PATL1: variants seen among roughly 807,000 people sequenced by gnomAD.
PATL1 encodes the protein PAT1 homolog 1, processing body mRNA decay factor.
PATL1 carries 32 observed loss-of-function variants against 100.6 expected under a neutral mutation model. That is an observed-to-expected ratio of 0.32 (90% CI 0.24 to 0.43). The LOEUF is 0.43. Ranked by LOEUF, PATL1 falls within the 20% of genes least tolerant of loss-of-function variation. PATL1 has a pLI of 1.00. For synonymous variants in PATL1, 332 were observed against 330.0 expected (o/e 1.01, Z -0.07); for missense variants, 747 against 949.9 (o/e 0.79, Z 2.81).
intron 4 of PATL1, among the ~76,000 whole-genome samples, chr11:59,657,928 G>T (rs887063692): frequency 2.6e-5 from 4 of 152,050 alleles, no homozygotes; most frequent in African/African-American, 9.7e-5. Flanking sequence ...CCTTGGGAGG[G>T]TGAGGTGGGA....
rs201878962 is a variant in PATL1, at chr11:59,651,617, T to C, written c.1451A>G (p.Lys484Arg). ...ATTATTCACACTAGAAACGGTAAGC[T>C]TTCCCAAAGAGCCCTCAAATTGCAC... ...KPVQFEGSLG[K>R]LTVSSVNNPR... The change falls in exon 12 of 19, where the codon AAG (lysine) becomes AGG (arginine). Residue 484 changes from lysine to arginine, a missense_variant. Around this residue, in one of 4 missense-constraint regions of PATL1, gnomAD observed 434 missense variants for 596.1 expected, o/e 0.73. Transcript: ENST00000300146. 71 of 1,611,840 alleles carry C rather than the reference T, an allele frequency of 4.4e-5. No homozygotes were observed. The highest frequency in any genetic ancestry group is 3.3e-5 in the Admixed American group (2 of 59,792).
chr11:59,639,886 T>C (rs1027562870), intron 16 of PATL1: 2 of 152,906 alleles, frequency 1.3e-5, no homozygotes, highest in African/African-American at 4.8e-5. Flanking sequence ...ATAAACATGG[T>C]ATAAAGAGAA....
At position 59,639,124 on chromosome 11, in the gene PATL1, T is replaced by G; in HGVS notation, c.2215A>C (p.Ile739Leu). 1 of 1,614,026 alleles carries G rather than the reference T, an allele frequency of 6.2e-7. No individual in the cohort carries two copies. Among genetic ancestry groups the G allele is most frequent in the Non-Finnish European group, 8.5e-7 (1 of 1,179,890 alleles). ...PQAALAKPISIPTNLVSLFSR... is the reference protein window; with the variant it reads ...PQAALAKPISLPTNLVSLFSR... ...AAGAGGGACACTAGGTTTGTAGGTA[T>G]AGAGATTGGCTTGGCCAGGGCTGCT... The change falls in exon 18 of 19, where the codon ATA becomes CTA. Residue 739 changes from isoleucine to leucine, a missense_variant. This residue lies in a region of PATL1 where 434 missense variants were observed against 596.1 expected (regional missense o/e 0.73). Transcript: ENST00000300146.
chr11:59,660,651 G>A (rs532682025), intron 2 of PATL1, among the ~76,000 whole-genome samples: 67 of 152,238 alleles, frequency 4.4e-4, no homozygotes, highest in African/African-American at 1.6e-3. Flanking sequence ...TGAGCAGGGT[G>A]GGGAGAGTAG....
chr11:59,657,106 TG>T, intron 5 of PATL1: 3 of 985,306 alleles, frequency 3.0e-6, no homozygotes, highest in Non-Finnish European at 3.6e-6. Flanking sequence ...CCTTTTCAGC[TG>T]CTGGTTTCAG....
Position 59,659,314 on chromosome 11 carries a change from T to C in PATL1, c.283A>G (p.Ile95Val), listed in dbSNP as rs1861594655. The C allele has an allele frequency of 6.4e-7, 1 of 1,551,362 alleles. No individual in the cohort carries two copies. Among genetic ancestry groups the C allele is most frequent in the Admixed American group, 2.0e-5 (1 of 50,982 alleles). Residue 95 changes from isoleucine to valine, a missense_variant, in exon 3 of 19, where the codon ATT becomes GTT. Transcript: ENST00000300146. ...GCTGGATCTTCTAGTTCATTTTCAA[T>C]CACCATCTTACTGAGCCTTTCTGCC... is the stretch of plus-strand genomic sequence containing the variant. ...NLAERLSKMV[I>V]ENELEDPAIM...
At chr11:59,667,103 T>A in intron 1 of PATL1, 139 bp from the exon 2 acceptor site, 1 of 1,416,080 alleles carries the variant, frequency 7.1e-7, no homozygotes, top group Non-Finnish European at 9.2e-7. Flanking sequence ...ATTTTTTTTC[T>A]ACTTCCCAAT....
intron 11 of PATL1, among the ~76,000 whole-genome samples, chr11:59,652,064 CAAAAAAAAAAAAAA>C (rs748019832): frequency 3.8e-5 from 2 of 52,996 alleles, no homozygotes; most frequent in African/African-American, 7.1e-5. Context: ...GGCTCTTTCT[CAAAAAAAAAAAAAA>C]AAAAAAAAAA....
chr11:59,646,851 C>A (rs967742674), intron 15 of PATL1, among the ~76,000 whole-genome samples: 2 of 152,124 alleles, frequency 1.3e-5, no homozygotes, highest in Non-Finnish European at 2.9e-5. Flanking sequence ...AAAACTCTAA[C>A]CAAGAATTAA....
chr11:59,639,314 C>T lies in PATL1; in HGVS notation c.2119G>A (p.Glu707Lys). The change falls in exon 17 of 19, where the codon GAA becomes AAA. Residue 707 changes from glutamate to lysine, a missense_variant. Coordinates refer to ENST00000300146, the MANE Select transcript of PATL1 (RefSeq NM_152716.3). ...GACCACTGATTATTTTGTGTTGATT[C>T]TGTAGCAGGGTCTGAACTCTGTAGG... ...EDLQSSDPAT[E>K]STQNNQWTEV... is the part of the protein sequence containing the mutation. 1 of 1,552,002 alleles carries T rather than the reference C, an allele frequency of 6.4e-7. No homozygotes were observed.
In PATL1 at chr11:59,638,245, C is replaced by A; in HGVS notation, c.*145G>T. 4 of 778,064 alleles carry A rather than the reference C, an allele frequency of 5.1e-6. No individual in the cohort carries two copies. Among genetic ancestry groups the A allele is most frequent in the Non-Finnish European group, 8.6e-6 (4 of 467,524 alleles). The allele number at this position is 778,064 out of a possible 1,614,324, so 48.2% of individuals were successfully genotyped here. A position where few individuals can be genotyped will look rare whatever the true frequency, so the allele number is the denominator to read the frequency against. On this transcript the variant is annotated 3_prime_UTR_variant, in exon 19 of 19. Coordinates refer to ENST00000300146, the MANE Select transcript of PATL1 (RefSeq NM_152716.3). ...GGGAAATATCTGACATTTAGAGAGA[C>A]AACCCCTGTAAACAGGAATCGATCC...
rs1018520624 is a variant in PATL1, at chr11:59,657,031, T to C, written c.622-431A>G. 2.0e-5 allele frequency: 19 copies of C among 942,902 alleles called. 1 individual carries two copies. The South Asian group carries it at 4.9e-4, about 24-fold the overall frequency. 58.4% of individuals were successfully genotyped at this position (942,902 alleles called of 1,614,324 possible). A position where few individuals can be genotyped will look rare whatever the true frequency, so the allele number is the denominator to read the frequency against. Reference sequence around the variant, plus strand: ...GATACATTGTGACTCCACCATTTCATAGGATTTGAGCCTAACTAGGCCATA... The same window carrying C: ...GATACATTGTGACTCCACCATTTCACAGGATTTGAGCCTAACTAGGCCATA... On this transcript the variant is annotated intron_variant, in intron 5 of 18. Transcript: ENST00000300146.
rs1446085436 is a variant in PATL1, at chr11:59,657,820, T to A, written c.427-96A>T. The A allele has an allele frequency of 6.4e-6, 6 of 942,714 alleles. No homozygotes were observed. The African/African-American group carries it at 1.0e-4, about 16-fold the overall frequency. The allele number at this position is 942,714 out of a possible 1,614,324, so 58.4% of individuals were successfully genotyped here. A position where few individuals can be genotyped will look rare whatever the true frequency, so the allele number is the denominator to read the frequency against. On this transcript the variant is annotated intron_variant, in intron 4 of 18. Coordinates refer to ENST00000300146, the MANE Select transcript of PATL1 (RefSeq NM_152716.3). The stretch of plus-strand genomic sequence containing the variant: ...CCAAAAATACCTTAAGAAATTTTTT[T>A]AACTTTTTATTTATTTTTAATTCAC...
intron 14 of PATL1, 41 bp from the exon 15 acceptor site, chr11:59,647,954 A>C: frequency 6.5e-7 from 1 of 1,549,192 alleles, no homozygotes; most frequent in Admixed American, 2.1e-5. Context: ...AGCAAGAACA[A>C]TTAAGAAACC....
intron 12 of PATL1, among the ~76,000 whole-genome samples, chr11:59,651,256 T>C (rs528017250): frequency 6.6e-6 from 1 of 152,182 alleles, no homozygotes; most frequent in South Asian, 2.1e-4. Context: ...TTAAAACACA[T>C]AGAAAATGAT....
At chr11:59,648,657 T>C (rs1861398421) in intron 14 of PATL1, among the ~76,000 whole-genome samples, 1 of 152,274 alleles carries the variant, frequency 6.6e-6, no homozygotes, top group African/African-American at 2.4e-5. Context: ...CATATGGTTT[T>C]GTACCTTGAC....
chr11:59,668,568 TC>T (rs1861726278), intron 1 of PATL1, among the ~76,000 whole-genome samples: 1 of 150,780 alleles, frequency 6.6e-6, no homozygotes, highest in Admixed American at 6.6e-5. Flanking sequence ...GATGCAGTGC[TC>T]TACCCTCCGT....
At chr11:59,647,546 A>C (rs1028024575) in intron 15 of PATL1, among the ~76,000 whole-genome samples, 13 of 152,190 alleles carry the variant, frequency 8.5e-5, no homozygotes, top group Non-Finnish European at 1.5e-4. Context: ...TGTTTTTCTC[A>C]TGTTTAGAAA....
At chr11:59,642,642 C>T (rs1861302110) in intron 16 of PATL1, 1 of 371,738 alleles carries the variant, frequency 2.7e-6, no homozygotes, top group Non-Finnish European at 4.8e-6. Context: ...AGTGAAAAAG[C>T]CTGGATCCCT....
Sources: gnomAD v4.1 joint callset for allele counts (sites outside exome capture counted in the v4.1 genomes callset) on GRCh38, gnomAD v4.1.1 for gene constraint, gnomAD v4.1.1 regional missense constraint, MANE v1.5 for transcripts, NCBI Gene and HGNC (gene_info 2026-07-23, HGNC 2026-07-21) for gene names.